RAET1G: variants seen among roughly 807,000 people sequenced by gnomAD.
The protein encoded by RAET1G is UL-16 binding protein 5.
Under a neutral mutation model 29.5 loss-of-function variants are expected in RAET1G, and 25 were observed. The observed-to-expected ratio is 0.85, with a 90% CI of 0.62 to 1.18. RAET1G has a LOEUF of 1.18. Ranked by LOEUF, RAET1G falls within the 50% of genes most tolerant of loss-of-function variation. The probability of loss-of-function intolerance (pLI) is 0.00; values close to 1 mark genes in which losing one functional copy is unlikely to be tolerated. For missense variants in RAET1G, 434 were observed against 423.6 expected, an observed-to-expected ratio of 1.02 and a Z score of -0.22; for synonymous variants, 167 against 159.5, an observed-to-expected ratio of 1.05 and a Z score of -0.36.
intron 1 of RAET1G, 107 bp downstream of exon 1, chr6:149,922,819 G>C (rs1257668070): frequency 1.4e-6 from 1 of 730,250 alleles, no homozygotes. Flanking sequence ...GCGCAGTCCG[G>C]GGTGATCGCA....
chr6:149,918,895 C>G (rs1012842439), intron 3 of RAET1G, 148 bp downstream of exon 3: 4 of 1,305,448 alleles, frequency 3.1e-6, no homozygotes, highest in East Asian at 4.8e-5. Context: ...ACAGGCACGC[C>G]AGCACCCCCA....
At position 149,923,096 on chromosome 6, in the gene RAET1G, GTCTGAATGCAGCC is replaced by G. The variant is rs1778636731; in HGVS notation, c.-99_-87del. 3 of 839,200 alleles carry G rather than the reference GTCTGAATGCAGCC, an allele frequency of 3.6e-6. No homozygotes were observed. Among genetic ancestry groups the G allele is most frequent in the Non-Finnish European group, 5.3e-6 (3 of 562,758 alleles). The allele number at this position is 839,200 out of a possible 1,614,324, so 52.0% of individuals were successfully genotyped here. On this transcript the variant is annotated 5_prime_UTR_variant, in exon 1 of 5. Transcript: ENST00000367360. Reference sequence around the variant, plus strand: ...CTCGCAGGCTGTCTGAATGCAGCCCGTCTGAATGCAGCCCTAAACTCCAGTAAGCCCTAAACTC... The same window carrying G: ...CTCGCAGGCTGTCTGAATGCAGCCCGCTAAACTCCAGTAAGCCCTAAACTC...
chr6:149,922,179 C>T (rs1264163195), intron 1 of RAET1G, among the ~76,000 whole-genome samples: 1 of 152,190 alleles, frequency 6.6e-6, no homozygotes, highest in African/African-American at 2.4e-5. Flanking sequence ...AATGGTGCTT[C>T]CCATCCCCCC....
At position 149,919,468 on chromosome 6, in the gene RAET1G, A is replaced by G. The variant is rs1246496400; in HGVS notation, c.349+85T>C. 42 of 1,612,602 alleles carry G rather than the reference A, an allele frequency of 2.6e-5. No individual in the cohort carries two copies. The Admixed American group carries it at 5.2e-4, about 20-fold the overall frequency. Reference sequence around the variant, plus strand: ...TCTTGCGGGGTGAGATGACCTTCCTATTTGTATTTTTACATGAAAACTATA... The same window carrying G: ...TCTTGCGGGGTGAGATGACCTTCCTGTTTGTATTTTTACATGAAAACTATA... On this transcript the variant is annotated intron_variant, in intron 2 of 4. Coordinates refer to ENST00000367360, the MANE Select transcript of RAET1G (RefSeq NM_001001788.4).
Position 149,919,071 on chromosome 6 carries a change from C to A in RAET1G, c.603G>T (p.Met201Ile). 6.2e-7 allele frequency: 1 copy of A among 1,614,174 alleles called. No homozygotes were observed. Among genetic ancestry groups the A allele is most frequent in the South Asian group, 1.1e-5 (1 of 91,080 alleles). Residue 201 changes from methionine to isoleucine, a missense_variant, in exon 3 of 5, where the codon ATG (methionine) becomes ATT (isoleucine). Met to Ile is a conservative substitution (Grantham distance 10, BLOSUM62 1). Coordinates refer to ENST00000367360, the MANE Select transcript of RAET1G (RefSeq NM_001001788.4). The part of the protein sequence containing the change: ...TGWLEDFLMG[M>I]DSTLEPSAGA... The stretch of plus-strand genomic sequence containing the variant: ...CTGCACTTGGCTCCAGGGTGCTGTC[C>A]ATGCCCATCAAGAAGTCCTCAAGCC...
Position 149,918,960 on chromosome 6 carries a change from T to C in RAET1G, c.631+83A>G, listed in dbSNP as rs554125898. On this transcript the variant is annotated intron_variant, in intron 3 of 4. Transcript: ENST00000367360. Reference sequence around the variant, plus strand: ...AACATAAACGTGTACACTGGGATGATTGAAGCTGAACTCAAGAATTAGTTT... The same window carrying C: ...AACATAAACGTGTACACTGGGATGACTGAAGCTGAACTCAAGAATTAGTTT... The C allele has an allele frequency of 1.4e-4, 219 of 1,585,142 alleles. 1 individual carries two copies. The African/African-American group carries it at 2.8e-3, about 20-fold the overall frequency.
At chr6:149,921,064 A>G (rs1389659995) in intron 1 of RAET1G, among the ~76,000 whole-genome samples, 1 of 152,228 alleles carries the variant, frequency 6.6e-6, no homozygotes, top group African/African-American at 2.4e-5. Context: ...GGCTTCTCCA[A>G]ACGTATTTAT....
At position 149,919,072 on chromosome 6, in the gene RAET1G, A is replaced by G. The variant is rs1193929742; in HGVS notation, c.602T>C (p.Met201Thr). The G allele has an allele frequency of 8.1e-6, 13 of 1,614,156 alleles. No homozygotes were observed. The highest frequency in any genetic ancestry group is 5.3e-5 in the African/African-American group (4 of 75,016). ...TGCACTTGGCTCCAGGGTGCTGTCC[A>G]TGCCCATCAAGAAGTCCTCAAGCCA... ...TGWLEDFLMG[M>T]DSTLEPSAGA... Residue 201 changes from methionine (M) to threonine (T), a missense_variant, in exon 3 of 5, where the codon ATG (methionine) becomes ACG (threonine). By Grantham distance (81) the Met-to-Thr change is moderately conservative. Transcript: ENST00000367360.
intron 1 of RAET1G, 74 bp downstream of exon 1, chr6:149,922,852 C>T: frequency 1.8e-6 from 2 of 1,085,488 alleles, no homozygotes; most frequent in Non-Finnish European, 2.6e-6. Flanking sequence ...GAAGCCTCCC[C>T]TCCTCTGAAG....
intron 1 of RAET1G, among the ~76,000 whole-genome samples, chr6:149,921,582 C>A (rs910045689): frequency 2.0e-5 from 3 of 152,160 alleles, no homozygotes; most frequent in Admixed American, 1.3e-4. Context: ...AAGCAGTTGG[C>A]CCCGATTCCC....
At chr6:149,918,811 C>A (rs1327147943) in intron 3 of RAET1G, 1 of 662,120 alleles carries the variant, frequency 1.5e-6, no homozygotes, top group East Asian at 2.7e-5. Context: ...GAGAAATCCA[C>A]AGTGTGGGGA....
rs373860107 is a variant in RAET1G, at chr6:149,918,260, G to C, written c.756C>G (p.Gly252=). 3.1e-6 allele frequency: 5 copies of C among 1,614,010 alleles called. No homozygotes were observed. In the African/African-American group the frequency reaches 5.3e-5, roughly 17 times the overall value. The part of the protein sequence containing the change: ...CSRHSLTQSH[G]HHPQSLQPPP... ...GAGGCTGCAGGGACTGAGGGTGGTG[G>C]CCATGGCTTTGGGTCAGACTGTGCC... Residue 252 remains glycine (G), a synonymous_variant, in exon 4 of 5, where the codon GGC becomes GGG. Coordinates refer to ENST00000367360, the MANE Select transcript of RAET1G (RefSeq NM_001001788.4).
In RAET1G at chr6:149,919,334, T is replaced by A. The variant is rs1435701981; in HGVS notation, c.350-10A>T. 6.2e-7 allele frequency: 1 copy of A among 1,611,228 alleles called. No individual in the cohort carries two copies. The highest frequency in any genetic ancestry group is 8.5e-7 in the Non-Finnish European group (1 of 1,178,246). On this transcript the variant is annotated splice_polypyrimidine_tract_variant and intron_variant, in intron 2 of 4. Transcript: ENST00000367360. Reference sequence around the variant, plus strand: ...TGCAGGGTGAGGGGTTCTGCCCCCATCAAAGAGAGATCAGCTCTGGCCTTG... The same window carrying A: ...TGCAGGGTGAGGGGTTCTGCCCCCAACAAAGAGAGATCAGCTCTGGCCTTG...
chr6:149,921,299 A>C (rs182749491), intron 1 of RAET1G, among the ~76,000 whole-genome samples: 1 of 152,220 alleles, frequency 6.6e-6, no homozygotes, highest in African/African-American at 2.4e-5. Context: ...GAATCACAAC[A>C]TAGATTCCAT....
chr6:149,919,296 A>G lies in RAET1G; in HGVS notation c.378T>C (p.Ser126=), dbSNP rs780953264. ...KEPLTLQARM[S]CEQKAEGHGS... ...CGTGTCCTTCGGCTTTCTGCTCACA[A>G]GACATCCTGGCCTGCAGGGTGAGGG... Residue 126 remains serine (S), a synonymous_variant, in exon 3 of 5, where the codon TCT becomes TCC. Transcript: ENST00000367360. 3 of 1,614,074 alleles carry G rather than the reference A, an allele frequency of 1.9e-6. No homozygotes were observed. The highest frequency in any genetic ancestry group is 8.5e-7 in the Non-Finnish European group (1 of 1,179,950).
At chr6:149,922,626 G>A (rs1433138626) in intron 1 of RAET1G, among the ~76,000 whole-genome samples, 2 of 152,142 alleles carry the variant, frequency 1.3e-5, no homozygotes, top group Non-Finnish European at 2.9e-5. Context: ...CCCGAGGGCG[G>A]GTGGGACTGC....
intron 4 of RAET1G, among the ~76,000 whole-genome samples, chr6:149,917,374 A>G (rs1243293732): frequency 4.6e-5 from 7 of 152,222 alleles, no homozygotes; most frequent in African/African-American, 7.2e-5. Flanking sequence ...TCTGCTAAGT[A>G]ACAAGTGCCT....
intron 1 of RAET1G, among the ~76,000 whole-genome samples, chr6:149,922,280 G>C (rs934072264): frequency 6.6e-6 from 1 of 152,186 alleles, no homozygotes; most frequent in African/African-American, 2.4e-5. Flanking sequence ...AAGAGGTCGC[G>C]AGGGCCCCTT....
chr6:149,918,989 G>C (rs1365942417), intron 3 of RAET1G, 54 bp downstream of exon 3: 1 of 1,601,458 alleles, frequency 6.2e-7, no homozygotes, highest in African/African-American at 1.3e-5. Flanking sequence ...TTAGTTTCTT[G>C]AGATCCCCAT....
Sources: allele counts gnomAD v4.1 joint callset (sites outside exome capture counted in the v4.1 genomes callset), GRCh38; gene constraint gnomAD v4.1.1; transcripts MANE v1.5; gene names NCBI Gene and HGNC (gene_info 2026-07-23, HGNC 2026-07-21).